The following CTNNA3 variants were observed in gnomAD, a reference collection of about 807,000 sequenced individuals.
The protein encoded by CTNNA3 is catenin alpha 3.
Under a neutral mutation model 95.7 loss-of-function variants are expected in CTNNA3, and 76 were observed. The ratio of observed to expected loss-of-function variants is 0.79; its 90% CI spans 0.66 to 0.96. The LOEUF (loss-of-function observed/expected upper bound fraction) is 0.96. Ranked by LOEUF, CTNNA3 falls within the 40% of genes least tolerant of loss-of-function variation. CTNNA3 has a pLI of 0.00. For missense variants in CTNNA3, 1,191 were observed against 1,089.8 expected (o/e 1.09, Z -1.31); for synonymous variants, 431 against 374.4 (o/e 1.15, Z -1.74).
intron 12 of CTNNA3, among the ~76,000 whole-genome samples, chr10:66,339,327 A>G (rs12260029): frequency 0.015 from 2,276 of 151,998 alleles, 51 homozygotes; most frequent in African/African-American, 0.052. Context: ...AGCAAAGGAG[A>G]GAAAAATATG....
At chr10:67,412,913 C>T (rs1439224266) in intron 5 of CTNNA3, among the ~76,000 whole-genome samples, 2 of 151,952 alleles carry the variant, frequency 1.3e-5, no homozygotes, top group African/African-American at 4.8e-5. Context: ...CACACTTAAG[C>T]ACATAGCTCA....
chr10:66,026,970 TTTATTATAA>T (rs1460125181), intron 15 of CTNNA3, among the ~76,000 whole-genome samples: 7 of 152,148 alleles, frequency 4.6e-5, no homozygotes, highest in Non-Finnish European at 8.8e-5. Context: ...AGATTTGTTT[TTTATTATAA>T]ACACTGAAAT....
chr10:66,752,983 A>G (rs144153098), intron 9 of CTNNA3, among the ~76,000 whole-genome samples: 2 of 152,296 alleles, frequency 1.3e-5, no homozygotes, highest in African/African-American at 4.8e-5. Context: ...CTTTTTATAT[A>G]GAAATACCTG....
chr10:67,277,695 A>G (rs113209157), intron 5 of CTNNA3, among the ~76,000 whole-genome samples: 9,996 of 152,202 alleles, frequency 0.066, 553 homozygotes, highest in African/African-American at 0.14. Flanking sequence ...TACCAAAATG[A>G]AGATGGCATC....
intron 1 of CTNNA3, among the ~76,000 whole-genome samples, chr10:67,676,655 T>A (rs756322516): frequency 7.9e-5 from 12 of 152,154 alleles, no homozygotes; most frequent in African/African-American, 1.4e-4. Context: ...GCTCTGTTCC[T>A]GGTACACAGT....
chr10:67,556,257 T>C (rs1186025635), intron 3 of CTNNA3, among the ~76,000 whole-genome samples: 2 of 152,238 alleles, frequency 1.3e-5, no homozygotes, highest in African/African-American at 2.4e-5. Context: ...ATCAGGATGA[T>C]GCTGGCCTCA....
At chr10:66,687,521 G>A (rs776830281) in intron 9 of CTNNA3, among the ~76,000 whole-genome samples, 1 of 151,990 alleles carries the variant, frequency 6.6e-6, no homozygotes, top group Non-Finnish European at 1.5e-5. Flanking sequence ...ATACTACTAA[G>A]TAAATCCCTA....
chr10:66,022,553 T>C lies in CTNNA3; in HGVS notation c.2160-33756A>G, dbSNP rs528633480. Among the ~76,000 whole-genome samples the C allele has an allele frequency of 1.5e-4, 23 of 152,092 alleles. No individual in the cohort carries two copies. The South Asian group carries it at 4.4e-3, about 29-fold the overall frequency. On this transcript the variant is annotated intron_variant, in intron 15 of 17. Coordinates refer to ENST00000433211, the MANE Select transcript of CTNNA3 (RefSeq NM_013266.4). ...GGAAAGAGGAACTGCATGTGTCCTA[T>C]ATACACTTGCTTTACCAGTAGCATG...
chr10:66,316,230 T>G (rs1427630714), intron 12 of CTNNA3, among the ~76,000 whole-genome samples: 1 of 152,052 alleles, frequency 6.6e-6, no homozygotes, highest in Admixed American at 6.6e-5. Context: ...AGGTAGTGGG[T>G]TAAATCTAAG....
intron 12 of CTNNA3, among the ~76,000 whole-genome samples, chr10:66,291,794 T>C (rs1295348710): frequency 6.6e-6 from 1 of 151,442 alleles, no homozygotes; most frequent in African/African-American, 2.4e-5. Context: ...GTGTGTGTAT[T>C]TGGCATATAT....
chr10:67,687,233 A>G (rs1195119607), intron 1 of CTNNA3, among the ~76,000 whole-genome samples: 2 of 152,124 alleles, frequency 1.3e-5, no homozygotes, highest in African/African-American at 4.8e-5. Context: ...GGGTGATGAC[A>G]TGAGCTGGCA....
intron 7 of CTNNA3, among the ~76,000 whole-genome samples, chr10:67,072,997 A>G (rs1035037906): frequency 6.6e-6 from 1 of 152,144 alleles, no homozygotes; most frequent in South Asian, 2.1e-4. Flanking sequence ...AGTATCACTA[A>G]AAGTTTTGCT....
chr10:66,455,497 C>A (rs529109815), intron 11 of CTNNA3, among the ~76,000 whole-genome samples: 24 of 152,156 alleles, frequency 1.6e-4, no homozygotes, highest in Admixed American at 1.2e-3. Flanking sequence ...ACAACAGAAC[C>A]AACCTCTAGG....
rs187035196 is a variant in CTNNA3 at position 67,715,478 on chromosome 10, T to C, written c.-2+47956A>G. 3.0e-3 allele frequency among the ~76,000 whole-genome samples: 452 copies of C among 152,038 alleles called. 4 individuals carry two copies. Among genetic ancestry groups the C allele is most frequent in the African/African-American group, 0.01 (428 of 41,480 alleles). On this transcript the variant is annotated intron_variant, in intron 1 of 17. Transcript: ENST00000684154. ...TTGAGAGCAGCTAATCAAAATGGCTTGGCACATAAGAGGACATAGAAACTT... is the reference window on the plus strand; with the variant it reads ...TTGAGAGCAGCTAATCAAAATGGCTCGGCACATAAGAGGACATAGAAACTT...
chr10:66,346,234 TATATATATATATAGAGAGAGAGAGAGAG>T (rs1295684537), intron 12 of CTNNA3, among the ~76,000 whole-genome samples: 4,208 of 45,784 alleles, frequency 0.092, 58 homozygotes, highest in Non-Finnish European at 0.11. Context: ...TATATATATA[TATATATATATATAGAGAGAGAGAGAGAG>T]AGAGAGAGAG....
chr10:67,515,880 T>G (rs563094449), intron 5 of CTNNA3, among the ~76,000 whole-genome samples: 1 of 152,190 alleles, frequency 6.6e-6, no homozygotes, highest in Non-Finnish European at 1.5e-5. Context: ...TTAGTACTCA[T>G]TCAGTCCAGC....
intron 7 of CTNNA3, among the ~76,000 whole-genome samples, chr10:66,958,308 CAAAAAAAAAAAAA>C (rs35076056): frequency 0.013 from 1,090 of 86,962 alleles, 21 homozygotes; most frequent in African/African-American, 0.042. Flanking sequence ...TGCTTTCTTG[CAAAAAAAAAAAAA>C]AAAAAAAAAA....
intron 9 of CTNNA3, among the ~76,000 whole-genome samples, chr10:66,638,318 G>C (rs1012510544): frequency 2.6e-5 from 4 of 152,010 alleles, no homozygotes; most frequent in African/African-American, 9.7e-5. Flanking sequence ...AGTGCAATTC[G>C]TGATTTCCTC....
At chr10:65,927,605 C>T (rs913523123) in intron 17 of CTNNA3, among the ~76,000 whole-genome samples, 7 of 152,168 alleles carry the variant, frequency 4.6e-5, no homozygotes, top group African/African-American at 1.7e-4. Flanking sequence ...GTGTAAGCTT[C>T]ACGTATGTTG....
Sources: allele counts gnomAD v4.1 joint callset (sites outside exome capture counted in the v4.1 genomes callset), GRCh38; gene constraint gnomAD v4.1.1; transcripts MANE v1.5; gene names NCBI Gene and HGNC (gene_info 2026-07-23, HGNC 2026-07-21).